The following AXDND1 variants were observed in gnomAD, a reference collection of about 807,000 sequenced individuals.
AXDND1 encodes the protein axonemal dynein light chain domain containing 1.
AXDND1 carries 110 observed loss-of-function variants against 137.5 expected under a neutral mutation model. The observed-to-expected ratio is 0.80, with a 90% CI of 0.69 to 0.94. AXDND1 has a LOEUF of 0.94. Among genes scored for constraint, AXDND1 ranks in the 40% least tolerant of loss-of-function variants. The pLI, the probability that AXDND1 is intolerant of heterozygous loss-of-function variation, is 0.00. For synonymous variants in AXDND1, 414 were observed against 399.7 expected, an observed-to-expected ratio of 1.04 and a Z score of -0.43; for missense variants, 1,191 against 1,169.8, an observed-to-expected ratio of 1.02 and a Z score of -0.26.
intron 6 of AXDND1, among the ~76,000 whole-genome samples, chr1:179,381,036 T>A (rs1441477221): frequency 1.3e-5 from 1 of 77,718 alleles, no homozygotes; most frequent in African/African-American, 4.2e-5. Context: ...TTGGTGACTT[T>A]TTTTTTTTTT....
intron 25 of AXDND1, among the ~76,000 whole-genome samples, chr1:179,537,978 A>G (rs1245366610): frequency 6.6e-6 from 1 of 152,110 alleles, no homozygotes; most frequent in Non-Finnish European, 1.5e-5. Context: ...GTTTATTTGC[A>G]TAGAGATGTT....
At chr1:179,443,374 A>T (rs555249078) in intron 15 of AXDND1, among the ~76,000 whole-genome samples, 1 of 152,202 alleles carries the variant, frequency 6.6e-6, no homozygotes, top group African/African-American at 2.4e-5. Flanking sequence ...AAAATTAATA[A>T]CATCTTTTTT....
At chr1:179,419,419 C>G (rs56117681) in intron 12 of AXDND1, among the ~76,000 whole-genome samples, 45,167 of 145,782 alleles carry the variant, frequency 0.31, 7,408 homozygotes, top group Middle Eastern at 0.4. Context: ...GGAGACCAGC[C>G]CGGCCAACAC....
intron 12 of AXDND1, among the ~76,000 whole-genome samples, chr1:179,427,859 C>T (rs1168761061): frequency 6.6e-6 from 1 of 151,616 alleles, no homozygotes; most frequent in Admixed American, 6.6e-5. Flanking sequence ...CCTGAACTCC[C>T]AGTTTCCATT....
Position 179,368,865 on chromosome 1 carries a change from C to A in AXDND1, c.163C>A (p.Gln55Lys). Residue 55 changes from glutamine (Q) to lysine (K), a missense_variant, in exon 3 of 26, where the codon CAG (glutamine) becomes AAG (lysine). Transcript: ENST00000367618. The part of the protein sequence containing the change: ...DRSKLLPTSL[Q>K]NEFIPKEVLL... ...TTCAAAACTCCTTCCTACTTCCCTT[C>A]AGAATGAGTTCATTCCCAAAGAAGT... The A allele has an allele frequency of 6.2e-7, 1 of 1,613,730 alleles. No homozygotes were observed. Among genetic ancestry groups the A allele is most frequent in the Non-Finnish European group, 8.5e-7 (1 of 1,179,664 alleles).
chr1:179,434,062 A>G (rs1180569870), intron 15 of AXDND1, among the ~76,000 whole-genome samples: 1 of 152,104 alleles, frequency 6.6e-6, no homozygotes, highest in Non-Finnish European at 1.5e-5. Flanking sequence ...CATATTTAGG[A>G]TAGTTAGCTC....
At chr1:179,494,416 G>T (rs1237227805) in intron 20 of AXDND1, among the ~76,000 whole-genome samples, 1 of 151,954 alleles carries the variant, frequency 6.6e-6, no homozygotes, top group African/African-American at 2.4e-5. Context: ...TCAAATCTTT[G>T]ACCCGTTTAG....
chr1:179,414,554 T>C (rs1413807735), intron 12 of AXDND1, among the ~76,000 whole-genome samples: 2 of 152,088 alleles, frequency 1.3e-5, no homozygotes, highest in African/African-American at 4.8e-5. Context: ...GCCTCCTGTG[T>C]AGCTGGGACT....
intron 12 of AXDND1, among the ~76,000 whole-genome samples, chr1:179,426,707 T>C (rs577767482): frequency 6.6e-6 from 1 of 152,176 alleles, no homozygotes; most frequent in Non-Finnish European, 1.5e-5. Flanking sequence ...AGAAGGGAAA[T>C]TATAGTTATT....
At chr1:179,541,421 T>C (rs768176185) in intron 25 of AXDND1, among the ~76,000 whole-genome samples, 1 of 151,960 alleles carries the variant, frequency 6.6e-6, no homozygotes, top group Non-Finnish European at 1.5e-5. Context: ...TTGATCTTAC[T>C]GGGAGCTGAA....
At chr1:179,456,790 G>T in intron 16 of AXDND1, 1 of 785,408 alleles carries the variant, frequency 1.3e-6, no homozygotes, top group South Asian at 1.3e-5. Flanking sequence ...GCCATCTCTT[G>T]GTCTGACAGG....
At chr1:179,457,884 A>G (rs1341464283) in intron 16 of AXDND1, among the ~76,000 whole-genome samples, 1 of 152,188 alleles carries the variant, frequency 6.6e-6, no homozygotes, top group East Asian at 1.9e-4. Flanking sequence ...ATTGACTTTC[A>G]GGCATGTGGT....
chr1:179,406,159 C>T (rs12141496), intron 11 of AXDND1, among the ~76,000 whole-genome samples: 14,388 of 147,940 alleles, frequency 0.097, 1,017 homozygotes, highest in East Asian at 0.35. Flanking sequence ...CATATTTGTA[C>T]AGTTTCCAAA....
At chr1:179,496,631 A>G (rs1460559168) in intron 20 of AXDND1, among the ~76,000 whole-genome samples, 3 of 151,950 alleles carry the variant, frequency 2.0e-5, no homozygotes, top group Admixed American at 2.0e-4. Flanking sequence ...AATTTTCTTG[A>G]TCTCAAAGAA....
chr1:179,539,668 T>C (rs1414256864), intron 25 of AXDND1, among the ~76,000 whole-genome samples: 1 of 152,192 alleles, frequency 6.6e-6, no homozygotes, highest in Admixed American at 6.5e-5. Context: ...ATATGTGTCT[T>C]GGGGTTGCTC....
chr1:179,498,838 A>G (rs1329830598), intron 20 of AXDND1, among the ~76,000 whole-genome samples: 1 of 152,166 alleles, frequency 6.6e-6, no homozygotes, highest in Non-Finnish European at 1.5e-5. Flanking sequence ...TCTCAGCATC[A>G]CTAATCATCA....
At chr1:179,438,345 G>A (rs953280593) in intron 15 of AXDND1, among the ~76,000 whole-genome samples, 1 of 152,120 alleles carries the variant, frequency 6.6e-6, no homozygotes, top group Non-Finnish European at 1.5e-5. Flanking sequence ...CTTTGTACTT[G>A]TTCCCCTAAC....
At chr1:179,407,962 T>A (rs2125205511) in intron 11 of AXDND1, among the ~76,000 whole-genome samples, 1 of 152,352 alleles carries the variant, frequency 6.6e-6, no homozygotes, top group East Asian at 1.9e-4. Flanking sequence ...TTTCTCTCTC[T>A]CCTTTTTAAA....
chr1:179,443,122 G>A (rs1276739038), intron 15 of AXDND1, among the ~76,000 whole-genome samples: 2 of 152,198 alleles, frequency 1.3e-5, no homozygotes, highest in South Asian at 2.1e-4. Flanking sequence ...GCGCCAAGGA[G>A]TGATGTCCCT....
Sources: allele counts gnomAD v4.1 joint callset (sites outside exome capture counted in the v4.1 genomes callset), GRCh38; gene constraint gnomAD v4.1.1; transcripts MANE v1.5; gene names NCBI Gene and HGNC (gene_info 2026-07-23, HGNC 2026-07-21).